Variants in ZMYM4 observed in about 807,000 individuals in gnomAD.
ZMYM4 encodes zinc finger MYM-type containing 4.
In ZMYM4, 31 loss-of-function variants were observed where a neutral mutation model predicts 183.2. The observed-to-expected ratio is 0.17, with a 90% CI of 0.13 to 0.23. The LOEUF is 0.23. Ranked by LOEUF, ZMYM4 falls within the 10% of genes least tolerant of loss-of-function variation. The probability of loss-of-function intolerance (pLI) is 1.00; values close to 1 mark genes in which losing one functional copy is unlikely to be tolerated. For missense variants in ZMYM4, 1,273 were observed against 1,840.3 expected, an observed-to-expected ratio of 0.69 and a Z score of 5.64; for synonymous variants, 592 against 631.2, an observed-to-expected ratio of 0.94 and a Z score of 0.93.
At chr1:35,314,207 T>C (rs1376920654) in intron 1 of ZMYM4, among the ~76,000 whole-genome samples, 1 of 152,216 alleles carries the variant, frequency 6.6e-6, no homozygotes, top group Non-Finnish European at 1.5e-5. Flanking sequence ...TGGTAACCAA[T>C]TCTATACATT....
rs201115787 is a variant in ZMYM4 at position 35,307,071 on chromosome 1, A to G, written c.40-18289A>G. Among the ~76,000 whole-genome samples, 21 of 152,338 alleles carry G rather than the reference A, an allele frequency of 1.4e-4. No individual in the cohort carries two copies. The East Asian group carries it at 3.7e-3, about 27-fold the overall frequency. On this transcript the variant is annotated intron_variant, in intron 1 of 29. Transcript: ENST00000314607. Reference sequence around the variant, plus strand: ...TAAATTACCGTTGGCTAACTGACTGAACTGGGCATGTTAACTTTCTGAATG... The same window carrying G: ...TAAATTACCGTTGGCTAACTGACTGGACTGGGCATGTTAACTTTCTGAATG...
At chr1:35,304,186 G>A (rs566391446) in intron 1 of ZMYM4, among the ~76,000 whole-genome samples, 140 of 152,028 alleles carry the variant, frequency 9.2e-4, no homozygotes, top group South Asian at 4.1e-3. Context: ...CAGCACACTC[G>A]GCTAATTTTT....
chr1:35,358,792 T>C, intron 2 of ZMYM4, 133 bp from the exon 3 acceptor site: 3 of 755,904 alleles, frequency 4.0e-6, no homozygotes, highest in Non-Finnish European at 6.2e-6. Flanking sequence ...TATATCAAAG[T>C]GTTAAATGAA....
chr1:35,313,302 T>C (rs1397357006), intron 1 of ZMYM4, among the ~76,000 whole-genome samples: 1 of 152,188 alleles, frequency 6.6e-6, no homozygotes, highest in African/African-American at 2.4e-5. Context: ...CCCAAAGTGT[T>C]GGGATTACAG....
intron 9 of ZMYM4, among the ~76,000 whole-genome samples, chr1:35,382,511 C>T (rs1186915486): frequency 2.0e-4 from 30 of 150,470 alleles, no homozygotes; most frequent in African/African-American, 2.4e-5. Context: ...AGTGTGATCC[C>T]GGCTCACTGC....
intron 1 of ZMYM4, among the ~76,000 whole-genome samples, chr1:35,304,753 G>A (rs1641451059): frequency 6.6e-6 from 1 of 151,860 alleles, no homozygotes; most frequent in Non-Finnish European, 1.5e-5. Flanking sequence ...ACACGTGTGA[G>A]CCACCACTCC....
At chr1:35,401,419 C>T (rs1166093342) in intron 23 of ZMYM4, among the ~76,000 whole-genome samples, 3 of 152,148 alleles carry the variant, frequency 2.0e-5, no homozygotes, top group Non-Finnish European at 4.4e-5. Context: ...ATTTGCCATT[C>T]ATGTGTCTTC....
chr1:35,370,324 A>G (rs1188907950), intron 6 of ZMYM4, 48 bp from the exon 7 acceptor site: 2 of 1,418,478 alleles, frequency 1.4e-6, no homozygotes, highest in East Asian at 5.3e-5. Context: ...AAAGTAAAAC[A>G]TTTTTTTCTT....
At chr1:35,385,357 A>T in intron 9 of ZMYM4, 85 bp from the exon 10 acceptor site, 2 of 1,366,404 alleles carry the variant, frequency 1.5e-6, no homozygotes, top group Admixed American at 2.4e-5. Flanking sequence ...CAAATATTTC[A>T]AAAGTGTTGA....
At position 35,392,381 on chromosome 1, in the gene ZMYM4, A is replaced by G. The variant is rs756885377; in HGVS notation, c.2728+29A>G. 10 of 1,602,246 alleles carry G rather than the reference A, an allele frequency of 6.2e-6. No individual in the cohort carries two copies. The South Asian group carries it at 1.0e-4, about 16-fold the overall frequency. ...TGGCTTGATTGGAAAGCATTTATCTAGCCTATTTAGGTTGAATGCAGTGGT... is the reference window on the plus strand; with the variant it reads ...TGGCTTGATTGGAAAGCATTTATCTGGCCTATTTAGGTTGAATGCAGTGGT... On this transcript the variant is annotated intron_variant, in intron 16 of 29. Transcript: ENST00000314607.
Position 35,387,185 on chromosome 1 carries a change from C to T in ZMYM4, c.2019C>T (p.Ser673=). 6.2e-7 allele frequency: 1 copy of T among 1,614,206 alleles called. No individual in the cohort carries two copies. The highest frequency in any genetic ancestry group is 8.5e-7 in the Non-Finnish European group (1 of 1,180,042). The change falls in exon 12 of 30, where the codon TCC becomes TCT. Residue 673 remains serine, a synonymous_variant. Coordinates refer to ENST00000314607, the MANE Select transcript of ZMYM4 (RefSeq NM_005095.3). The part of the protein sequence containing the change: ...AAGLQRLAAQ[S]QHVGFARSVV... ...GTCTCCAGCGTCTCGCTGCCCAGTC[C>T]CAGCATGTTGGGTTTGCACGAAGTG...
chr1:35,289,119 A>C (rs902571734), intron 1 of ZMYM4, among the ~76,000 whole-genome samples: 1 of 152,240 alleles, frequency 6.6e-6, no homozygotes, highest in African/African-American at 2.4e-5. Context: ...AAAACAGGAC[A>C]GCATAAGATA....
Position 35,387,148 on chromosome 1 carries a change from C to G in ZMYM4, c.1982C>G (p.Ser661Cys), listed in dbSNP as rs1042360804. 1.2e-6 allele frequency: 2 copies of G among 1,614,128 alleles called. No individual in the cohort carries two copies. Among genetic ancestry groups the G allele is most frequent in the African/African-American group, 2.7e-5 (2 of 74,948 alleles). The change falls in exon 12 of 30, where the codon TCT becomes TGT. Residue 661 changes from serine (S) to cysteine (C), a missense_variant. By Grantham distance (112) the Ser-to-Cys change is moderately radical (BLOSUM62 -1). Around this residue, in one of 6 missense-constraint regions of ZMYM4, gnomAD observed 319 missense variants for 518.1 expected, o/e 0.62. Coordinates refer to ENST00000314607, the MANE Select transcript of ZMYM4 (RefSeq NM_005095.3). ...GTTTCTCCCACCTCCATCAGTAGCT[C>G]TGCTGCAGCTGGTCTCCAGCGTCTC... ...SAVSPTSISS[S>C]AAAGLQRLAA...
intron 1 of ZMYM4, among the ~76,000 whole-genome samples, chr1:35,283,358 G>T (rs566978434): frequency 6.3e-4 from 46 of 73,262 alleles, no homozygotes; most frequent in African/African-American, 3.5e-3. Context: ...TTTTTTTTGA[G>T]ACGGAGTCTT....
intron 1 of ZMYM4, among the ~76,000 whole-genome samples, chr1:35,293,912 G>A (rs1431918340): frequency 3.9e-5 from 6 of 151,996 alleles, no homozygotes; most frequent in African/African-American, 1.4e-4. Flanking sequence ...AGCACTTTGG[G>A]AGCACGAGGT....
intron 19 of ZMYM4, 125 bp downstream of exon 19, chr1:35,396,795 A>G (rs1644816722): frequency 9.0e-7 from 1 of 1,112,806 alleles, no homozygotes. Context: ...GGCTGTTATC[A>G]TATTCCCATT....
At chr1:35,344,562 A>G (rs1643324463) in intron 2 of ZMYM4, among the ~76,000 whole-genome samples, 2 of 152,004 alleles carry the variant, frequency 1.3e-5, no homozygotes, top group Admixed American at 1.3e-4. Flanking sequence ...AATGAGTATT[A>G]AATTTTGTCA....
chr1:35,420,053 T>C lies in ZMYM4; in HGVS notation c.*376T>C, dbSNP rs1640274429. On this transcript the variant is annotated 3_prime_UTR_variant, in exon 30 of 30. Coordinates refer to ENST00000314607, the MANE Select transcript of ZMYM4 (RefSeq NM_005095.3). ...GGTAGCTTTGGAGTGAAACTTTGGC[T>C]GCAATAGGCTACTTTGGCAAGCCCT... 7.1e-6 allele frequency: 2 copies of C among 282,142 alleles called. No individual in the cohort carries two copies. The highest frequency in any genetic ancestry group is 4.4e-5 in the African/African-American group (2 of 45,920). 17.5% of individuals were successfully genotyped at this position (282,142 alleles called of 1,614,324 possible).
At chr1:35,270,408 A>G (rs945933667) in intron 1 of ZMYM4, among the ~76,000 whole-genome samples, 2 of 152,198 alleles carry the variant, frequency 1.3e-5, no homozygotes, top group East Asian at 1.9e-4. Flanking sequence ...CTATCCGTCA[A>G]TATTATAAAA....
Sources: allele counts gnomAD v4.1 joint callset (sites outside exome capture counted in the v4.1 genomes callset), GRCh38; gene constraint gnomAD v4.1.1; regional missense constraint gnomAD v4.1.1; transcripts MANE v1.5; gene names NCBI Gene and HGNC (gene_info 2026-07-23, HGNC 2026-07-21).